The following NUP62CL variants were observed in gnomAD, a reference collection of about 807,000 sequenced individuals.
NUP62CL encodes the protein nucleoporin 62 C-terminal like, also known as nucleoporin-62 C-terminal-like protein.
Under a neutral mutation model 15.3 loss-of-function variants are expected in NUP62CL, and 13 were observed. The observed-to-expected ratio is 0.85, with a 90% confidence interval of 0.55 to 1.35. The LOEUF (loss-of-function observed/expected upper bound fraction) is 1.35, where lower values mean the gene tolerates loss of function less well. NUP62CL is among the 40% of genes most tolerant of loss of function. NUP62CL has a pLI of 0.00. For synonymous variants in NUP62CL, 54 were observed against 49.2 expected, an observed-to-expected ratio of 1.10 and a Z score of -0.41; for missense variants, 123 against 130.6, an observed-to-expected ratio of 0.94 and a Z score of 0.28.
Position 107,123,935 on chromosome X carries a change from C to A in NUP62CL, c.*440G>T, listed in dbSNP as rs540651151. ...GCATGTACTTTTGGCAGACATCACC[C>A]TATGATTCAACTGGAGTGAGAAGGA... On this transcript the variant is annotated 3_prime_UTR_variant, in exon 9 of 9. Coordinates refer to ENST00000372466, the MANE Select transcript of NUP62CL (RefSeq NM_017681.3). 1.2e-5 allele frequency: 2 copies of A among 162,768 alleles called. No homozygotes were observed. The highest frequency in any genetic ancestry group is 8.7e-5 in the Admixed American group (1 of 11,560). 13.4% of individuals were successfully genotyped at this position (162,768 alleles called of 1,213,427 possible).
intron 1 of NUP62CL, among the ~76,000 whole-genome samples, chrX:107,202,124 G>T (rs1036717943): frequency 1.8e-5 from 2 of 111,344 alleles, no homozygotes. Flanking sequence ...ATTGGGAAGG[G>T]GTATAAGGAG....
intron 4 of NUP62CL, among the ~76,000 whole-genome samples, chrX:107,162,600 T>C (rs888560011): frequency 1.1e-4 from 12 of 112,371 alleles, no homozygotes; most frequent in African/African-American, 3.9e-4. Context: ...CAATGACTTC[T>C]GTATCTGGTG....
In NUP62CL at chrX:107,202,168, A is replaced by G. The variant is rs1221848189; in HGVS notation, c.-92+4105T>C. Among the ~76,000 whole-genome samples the G allele has an allele frequency of 2.7e-5, 3 of 111,791 alleles. No homozygotes were observed. In the Admixed American group the frequency reaches 2.8e-4, roughly 11 times the overall value. ...AATGTTTTAGTTCTTTAAAAAGATC[A>G]ACACCTTAAAGAAAATGTGGCAAAA... On this transcript the variant is annotated intron_variant, in intron 1 of 8. Coordinates refer to ENST00000372466, the MANE Select transcript of NUP62CL (RefSeq NM_017681.3).
chrX:107,143,795 C>T lies in NUP62CL; in HGVS notation c.*42+3948G>A, dbSNP rs774707348. 2.9e-3 allele frequency among the ~76,000 whole-genome samples: 321 copies of T among 111,584 alleles called. 2 individuals are homozygous for T. Among genetic ancestry groups the T allele is most frequent in the African/African-American group, 9.9e-3 (304 of 30,779 alleles). Reference sequence around the variant, plus strand: ...GAAATAAATGGATTCATTGAGCTTACTCAAAAAACTTTTCAGTCCACAGAT... The same window carrying T: ...GAAATAAATGGATTCATTGAGCTTATTCAAAAAACTTTTCAGTCCACAGAT... On this transcript the variant is annotated intron_variant, in intron 8 of 8. Coordinates refer to ENST00000372466, the MANE Select transcript of NUP62CL (RefSeq NM_017681.3).
chrX:107,180,958 A>AG (rs1366505057), intron 2 of NUP62CL, among the ~76,000 whole-genome samples: 3 of 89,872 alleles, frequency 3.3e-5, no homozygotes, highest in African/African-American at 1.3e-4. Flanking sequence ...TTTGTCACCC[A>AG]GTTGGAGTGG....
intron 8 of NUP62CL, among the ~76,000 whole-genome samples, chrX:107,139,279 AATCT>A (rs1326914864): frequency 9.0e-6 from 1 of 111,302 alleles, no homozygotes; most frequent in Non-Finnish European, 1.9e-5. Context: ...TAGATATACA[AATCT>A]ACATGTGATA....
At chrX:107,174,156 T>C (rs1177735231) in intron 3 of NUP62CL, among the ~76,000 whole-genome samples, 20 of 95,734 alleles carry the variant, frequency 2.1e-4, no homozygotes. Context: ...CCTTTCCTTT[T>C]TTTTTTTTTT....
At chrX:107,172,161 T>TA (rs756508608) in intron 3 of NUP62CL, among the ~76,000 whole-genome samples, 789 of 76,421 alleles carry the variant, frequency 0.01, 3 homozygotes, top group African/African-American at 0.016. Context: ...TCATCTCTAC[T>TA]AAAAAAAAAA....
chrX:107,165,809 T>C (rs183730963), intron 4 of NUP62CL, among the ~76,000 whole-genome samples: 2 of 111,846 alleles, frequency 1.8e-5, no homozygotes, highest in East Asian at 2.8e-4. Context: ...GGGGGGAAGA[T>C]AGTCTTTCAA....
rs1490260458 is a variant in NUP62CL, at chrX:107,176,596, A to C, written c.-47-1403T>G. Reference sequence around the variant, plus strand: ...TCGGGGGGGCGATGAAAATGTTCTCAAATTACATAGTGGTGATAGTTGTAC... The same window carrying C: ...TCGGGGGGGCGATGAAAATGTTCTCCAATTACATAGTGGTGATAGTTGTAC... On this transcript the variant is annotated intron_variant, in intron 2 of 8. Coordinates refer to ENST00000372466, the MANE Select transcript of NUP62CL (RefSeq NM_017681.3). 3.7e-5 allele frequency among the ~76,000 whole-genome samples: 4 copies of C among 109,219 alleles called. No individual in the cohort carries two copies. In the East Asian group the frequency reaches 8.6e-4, roughly 23 times the overall value. The allele number at this position is 109,219 out of a possible 115,157, so 94.8% of individuals were successfully genotyped here.
chrX:107,178,346 G>A (rs183792399), intron 2 of NUP62CL, among the ~76,000 whole-genome samples: 8 of 111,737 alleles, frequency 7.2e-5, no homozygotes, highest in African/African-American at 2.6e-4. Flanking sequence ...TGAAGGTCTG[G>A]AATAAATTTT....
chrX:107,144,119 G>C (rs1925836931), intron 8 of NUP62CL, among the ~76,000 whole-genome samples: 1 of 111,429 alleles, frequency 9.0e-6, no homozygotes, highest in Admixed American at 9.5e-5. Flanking sequence ...GTAACTCCAA[G>C]TAATCATTAC....
intron 8 of NUP62CL, among the ~76,000 whole-genome samples, chrX:107,126,563 C>A (rs1207153981): frequency 8.9e-6 from 1 of 111,803 alleles, no homozygotes; most frequent in Non-Finnish European, 1.9e-5. Context: ...AGAAATAAAA[C>A]CTTATAAGGT....
rs192026378 is a variant in NUP62CL, at chrX:107,131,929, A to G, written c.*43-7597T>C. ...AGTGTTAAAATATAAATGTCATACA[A>G]TGAAGAAGCTCAGCATGACAAGAAC... is the stretch of plus-strand genomic sequence containing the variant. On this transcript the variant is annotated intron_variant, in intron 8 of 8. Transcript: ENST00000372466. 411 of 1,019,741 alleles carry G rather than the reference A, an allele frequency of 4.0e-4. 1 individual carries two copies. In the African/African-American group the frequency reaches 6.4e-3, roughly 16 times the overall value. The allele number at this position is 1,019,741 out of a possible 1,213,427, so 84.0% of individuals were successfully genotyped here. A position where few individuals can be genotyped will look rare whatever the true frequency, so the allele number is the denominator to read the frequency against.
At chrX:107,131,094 G>C (rs1398988898) in intron 8 of NUP62CL, among the ~76,000 whole-genome samples, 2 of 111,434 alleles carry the variant, frequency 1.8e-5, no homozygotes, top group Admixed American at 9.6e-5. Context: ...TAACATAATT[G>C]AAAGTGATTG....
intron 2 of NUP62CL, among the ~76,000 whole-genome samples, chrX:107,184,351 GA>G (rs1346558834): frequency 1.5e-5 from 1 of 64,873 alleles, no homozygotes; most frequent in Admixed American, 1.8e-4. Flanking sequence ...AAGAAAGAAA[GA>G]AAGAAACTAA....
chrX:107,141,962 A>T (rs747743877), intron 8 of NUP62CL, among the ~76,000 whole-genome samples: 10 of 109,667 alleles, frequency 9.1e-5, no homozygotes, highest in Non-Finnish European at 1.9e-4. Flanking sequence ...CGGGAGGCAG[A>T]ATCACTTGAA....
chrX:107,153,356 CAAAAA>C, intron 6 of NUP62CL, 50 bp from the exon 7 acceptor site: 1 of 1,116,095 alleles, frequency 9.0e-7, no homozygotes, highest in Non-Finnish European at 1.2e-6. Flanking sequence ...TTTGGAGTGA[CAAAAA>C]GAAAAGAGTT....
At chrX:107,204,338 C>G (rs1469415846) in intron 1 of NUP62CL, among the ~76,000 whole-genome samples, 1 of 111,413 alleles carries the variant, frequency 9.0e-6, no homozygotes, top group Non-Finnish European at 1.9e-5. Flanking sequence ...TTATGTTCCT[C>G]AACCTCTAAG....
Sources: allele counts gnomAD v4.1 joint callset (sites outside exome capture counted in the v4.1 genomes callset), GRCh38; gene constraint gnomAD v4.1.1; transcripts MANE v1.5; gene names NCBI Gene and HGNC (gene_info 2026-07-23, HGNC 2026-07-21).